SCN9A: variants seen among roughly 807,000 people sequenced by gnomAD.
The protein encoded by SCN9A is sodium voltage-gated channel alpha subunit 9, also known as sodium channel protein type 9 subunit alpha.
In SCN9A, 131 loss-of-function variants were observed where a neutral mutation model predicts 187.0. The ratio of observed to expected loss-of-function variants is 0.70; its 90% confidence interval spans 0.61 to 0.81. The LOEUF (loss-of-function observed/expected upper bound fraction) is 0.81. Among genes scored for constraint, SCN9A ranks in the 30% least tolerant of loss-of-function variants. The pLI, the probability that SCN9A is intolerant of heterozygous loss-of-function variation, is 0.00. For missense variants in SCN9A, 2,252 were observed against 2,396.6 expected (o/e 0.94, Z 1.26); for synonymous variants, 809 against 808.6 (o/e 1.00, Z -0.01).
chr2:166,261,522 CAT>C (rs1310527694), intron 17 of SCN9A, among the ~76,000 whole-genome samples: 1 of 151,878 alleles, frequency 6.6e-6, no homozygotes, highest in Non-Finnish European at 1.5e-5. Context: ...AGAAAAAACA[CAT>C]GTGAAGATTG....
At chr2:166,283,905 C>T (rs1313882657) in intron 12 of SCN9A, among the ~76,000 whole-genome samples, 1 of 152,092 alleles carries the variant, frequency 6.6e-6, no homozygotes, top group Non-Finnish European at 1.5e-5. Context: ...GGGCAAGTTG[C>T]TTCATTTCCC....
chr2:166,239,861 T>C (rs1695490807), intron 19 of SCN9A, among the ~76,000 whole-genome samples: 2 of 152,186 alleles, frequency 1.3e-5, no homozygotes, highest in African/African-American at 4.8e-5. Context: ...GGAATTAGAA[T>C]TCAGCCCACA....
chr2:166,259,492 ACAAT>A (rs1437613603), intron 17 of SCN9A, among the ~76,000 whole-genome samples: 1 of 151,826 alleles, frequency 6.6e-6, no homozygotes, highest in Non-Finnish European at 1.5e-5. Context: ...AGACTTAAAA[ACAAT>A]CAATTAAACA....
At chr2:166,297,224 A>AAAAAAAAAAAAAAAAAAAAC in intron 7 of SCN9A, among the ~76,000 whole-genome samples, 3 of 141,224 alleles carry the variant, frequency 2.1e-5, no homozygotes, top group African/African-American at 5.2e-5. Flanking sequence ...AAAAAAAAAA[A>AAAAAAAAAAAAAAAAAAAAC]AAAGAACCAT....
At chr2:166,311,328 TCC>T (rs1698937498) in intron 2 of SCN9A, among the ~76,000 whole-genome samples, 169 bp downstream of exon 2, 4 of 35,754 alleles carry the variant, frequency 1.1e-4, no homozygotes, top group Non-Finnish European at 2.1e-4. Context: ...ATTCTGAATA[TCC>T]TATATATATA....
At chr2:166,237,501 T>C (rs1223554041) in intron 20 of SCN9A, among the ~76,000 whole-genome samples, 1 of 152,132 alleles carries the variant, frequency 6.6e-6, no homozygotes, top group African/African-American at 2.4e-5. Context: ...AAGTCGCATA[T>C]TTGAGATAGA....
chr2:166,321,793 C>CTTTT, intron 1 of SCN9A, among the ~76,000 whole-genome samples: 1 of 118,794 alleles, frequency 8.4e-6, no homozygotes, highest in Non-Finnish European at 1.8e-5. Context: ...CTGGCAAAAT[C>CTTTT]TTTTTTTTTT....
chr2:166,362,221 G>T (rs888519587), intron 1 of SCN9A, among the ~76,000 whole-genome samples: 1 of 151,956 alleles, frequency 6.6e-6, no homozygotes, highest in Non-Finnish European at 1.5e-5. Context: ...TAAATAACAT[G>T]AGTTTACTAA....
chr2:166,279,889 T>C (rs1398441434), intron 14 of SCN9A, among the ~76,000 whole-genome samples: 3 of 152,108 alleles, frequency 2.0e-5, no homozygotes, highest in Non-Finnish European at 2.9e-5. Flanking sequence ...TCCAAGGGCA[T>C]ATCACTCATA....
rs760710953 is a variant in SCN9A at position 166,196,222 on chromosome 2, G to A, written c.*2450C>T. On this transcript the variant is annotated 3_prime_UTR_variant, in exon 27 of 27. Coordinates refer to ENST00000642356, the MANE Select transcript of SCN9A (RefSeq NM_001365536.1). ...ATCAGTACAAACAGTAATCTACATG[G>A]AAAGAGAGGTCTAATTTTACTTCAA... 3 of 152,038 alleles carry A rather than the reference G, an allele frequency of 2.0e-5. No individual in the cohort carries two copies. Among genetic ancestry groups the A allele is most frequent in the Non-Finnish European group, 4.4e-5 (3 of 67,994 alleles). 9.4% of individuals were successfully genotyped at this position (152,038 alleles called of 1,614,324 possible). A position where few individuals can be genotyped will look rare whatever the true frequency, so the allele number is the denominator to read the frequency against.
At chr2:166,273,521 C>T (rs969234784) in intron 16 of SCN9A, among the ~76,000 whole-genome samples, 8 of 152,068 alleles carry the variant, frequency 5.3e-5, no homozygotes, top group Non-Finnish European at 1.0e-4. Context: ...GATTGGCTGG[C>T]TTCATTGCCT....
chr2:166,227,870 A>ATT, intron 22 of SCN9A, 147 bp from the exon 23 acceptor site: 1 of 617,190 alleles, frequency 1.6e-6, no homozygotes, highest in Non-Finnish European at 2.9e-6. Flanking sequence ...TAATGTAAAG[A>ATT]TTTTTTTAAA....
intron 26 of SCN9A, among the ~76,000 whole-genome samples, chr2:166,202,283 T>A (rs1260960132): frequency 6.6e-6 from 1 of 151,732 alleles, no homozygotes; most frequent in African/African-American, 2.4e-5. Context: ...TTCCACATAT[T>A]TCCTACTAGA....
At chr2:166,259,999 C>G (rs1696440356) in intron 17 of SCN9A, among the ~76,000 whole-genome samples, 1 of 151,734 alleles carries the variant, frequency 6.6e-6, no homozygotes, top group Non-Finnish European at 1.5e-5. Context: ...ATAACTGTAA[C>G]TAATCCCTAA....
chr2:166,368,402 G>T (rs1314052791), intron 1 of SCN9A, among the ~76,000 whole-genome samples: 1 of 152,162 alleles, frequency 6.6e-6, no homozygotes. Flanking sequence ...AGAAGGCCGA[G>T]GTGGGCAGAT....
intron 26 of SCN9A, among the ~76,000 whole-genome samples, chr2:166,201,747 T>C (rs1693546241): frequency 6.6e-6 from 1 of 151,110 alleles, no homozygotes; most frequent in African/African-American, 2.4e-5. Flanking sequence ...GCTGAACCTA[T>C]CTCCAGAAAG....
intron 26 of SCN9A, among the ~76,000 whole-genome samples, chr2:166,200,992 C>T (rs554717756): frequency 1.3e-4 from 19 of 151,956 alleles, no homozygotes; most frequent in African/African-American, 2.2e-4. Flanking sequence ...AAAATGACAA[C>T]GAAATAATTT....
intron 24 of SCN9A, among the ~76,000 whole-genome samples, chr2:166,211,698 G>A (rs1202615998): frequency 2.0e-5 from 3 of 150,808 alleles, no homozygotes; most frequent in Non-Finnish European, 4.4e-5. Flanking sequence ...AAGTTAAGTT[G>A]TTATCAGCTT....
Position 166,286,370 on chromosome 2 carries a change from C to T in SCN9A, c.1568G>A (p.Arg523Gln), listed in dbSNP as rs548357583. ...SFHLGVEGHRRAHEKRLSTPN... is the reference protein window; with the variant it reads ...SFHLGVEGHRQAHEKRLSTPN... ...GGTAGACAACCTCTTTTCATGTGCTCGCCTATGCCCTTCGACACCAAGGTG... is the reference window on the plus strand; with the variant it reads ...GGTAGACAACCTCTTTTCATGTGCTTGCCTATGCCCTTCGACACCAAGGTG... Residue 523 changes from arginine (R) to glutamine (Q), a missense_variant, in exon 11 of 27, where the codon CGA (arginine) becomes CAA (glutamine). Physicochemically the swap from Arg to Gln is conservative, Grantham distance 43. This residue lies in a region of SCN9A where 1,013 missense variants were observed against 997.4 expected (regional missense o/e 1.02). Transcript: ENST00000642356. 21 of 1,613,136 alleles carry T rather than the reference C, an allele frequency of 1.3e-5. 1 individual carries two copies. The African/African-American group carries it at 1.7e-4, about 13-fold the overall frequency.
Sources: gnomAD v4.1 joint callset for allele counts (sites outside exome capture counted in the v4.1 genomes callset) on GRCh38, gnomAD v4.1.1 for gene constraint, gnomAD v4.1.1 regional missense constraint, MANE v1.5 for transcripts, NCBI Gene and HGNC (gene_info 2026-07-23, HGNC 2026-07-21) for gene names.